ADCY2: variants seen among roughly 807,000 people sequenced by gnomAD.
ADCY2 encodes the protein adenylate cyclase 2.
ADCY2 carries 31 observed loss-of-function variants against 125.2 expected under a neutral mutation model. The ratio of observed to expected loss-of-function variants is 0.25; its 90% CI spans 0.19 to 0.33. ADCY2 has a LOEUF of 0.33. Among genes scored for constraint, ADCY2 ranks in the 10% least tolerant of loss-of-function variants. ADCY2 has a pLI of 1.00. For synonymous variants in ADCY2, 512 were observed against 548.4 expected (o/e 0.93, Z 0.93); for missense variants, 904 against 1,418.2 (o/e 0.64, Z 5.82).
At chr5:7,563,588 T>C (rs1735795754) in intron 3 of ADCY2, among the ~76,000 whole-genome samples, 1 of 152,166 alleles carries the variant, frequency 6.6e-6, no homozygotes, top group Admixed American at 6.6e-5. Context: ...TGGAACTTCA[T>C]ATATAGAGCT....
Position 7,811,937 on chromosome 5 carries a change from C to T in ADCY2, c.2884-4929C>T, listed in dbSNP as rs941696330. 2.0e-5 allele frequency among the ~76,000 whole-genome samples: 3 copies of T among 152,358 alleles called. 1 individual carries two copies. Among genetic ancestry groups the T allele is most frequent in the South Asian group, 4.1e-4 (2 of 4,826 alleles). On this transcript the variant is annotated intron_variant, in intron 22 of 24. Transcript: ENST00000338316. ...TGTCATCCAACAGACATTTTCTCTA[C>T]TGACTGAGCCAAGTTCCAGGTACAT...
intron 2 of ADCY2, among the ~76,000 whole-genome samples, chr5:7,513,896 A>G (rs1416968745): frequency 1.3e-5 from 2 of 152,170 alleles, no homozygotes; most frequent in African/African-American, 4.8e-5. Context: ...AAAATACATT[A>G]TGTTCACTGA....
intron 2 of ADCY2, among the ~76,000 whole-genome samples, chr5:7,496,399 C>T (rs940916445): frequency 1.3e-5 from 2 of 152,040 alleles, no homozygotes; most frequent in African/African-American, 4.8e-5. Flanking sequence ...CTGTACTTAA[C>T]CAAGCTGGTT....
intron 3 of ADCY2, among the ~76,000 whole-genome samples, chr5:7,540,976 A>G (rs1734976439): frequency 6.6e-6 from 1 of 152,194 alleles, no homozygotes; most frequent in Admixed American, 6.5e-5. Context: ...CTCTCAGCTG[A>G]GAACGTTCTC....
intron 2 of ADCY2, among the ~76,000 whole-genome samples, chr5:7,456,598 T>C (rs1741677380): frequency 6.6e-6 from 1 of 152,166 alleles, no homozygotes; most frequent in Non-Finnish European, 1.5e-5. Context: ...ATATTGATAG[T>C]ATATGGAAAT....
At chr5:7,534,950 A>T (rs533159869) in intron 3 of ADCY2, among the ~76,000 whole-genome samples, 1 of 152,062 alleles carries the variant, frequency 6.6e-6, no homozygotes, top group South Asian at 2.1e-4. Flanking sequence ...GCTTATTTCT[A>T]TGTGTTTCCC....
chr5:7,481,547 G>A (rs542133854), intron 2 of ADCY2, among the ~76,000 whole-genome samples: 3 of 152,146 alleles, frequency 2.0e-5, no homozygotes, highest in Admixed American at 6.5e-5. Context: ...GATTACAGGC[G>A]TGAGCCACCA....
At chr5:7,404,112 C>G (rs17207690) in intron 1 of ADCY2, among the ~76,000 whole-genome samples, 6,227 of 152,210 alleles carry the variant, frequency 0.041, 164 homozygotes, top group South Asian at 0.1. Context: ...AGTTGTTTTT[C>G]TAGGAATTTT....
intron 24 of ADCY2, 156 bp from the exon 25 acceptor site, chr5:7,826,563 T>G (rs908699737): frequency 1.0e-6 from 1 of 955,042 alleles, no homozygotes. Context: ...CAACCTTTTT[T>G]TCTTGTGGAT....
At chr5:7,697,234 G>A (rs1316516721) in intron 6 of ADCY2, among the ~76,000 whole-genome samples, 2 of 152,028 alleles carry the variant, frequency 1.3e-5, no homozygotes, top group Non-Finnish European at 2.9e-5. Context: ...TGTGAATTTG[G>A]AAGGACACAA....
chr5:7,791,658 T>A (rs571996441), intron 20 of ADCY2, among the ~76,000 whole-genome samples: 2 of 152,262 alleles, frequency 1.3e-5, no homozygotes, highest in South Asian at 4.1e-4. Context: ...TTACAATGTC[T>A]ATTAAAGGGC....
At chr5:7,418,340 C>T (rs1004097762) in intron 2 of ADCY2, among the ~76,000 whole-genome samples, 12 of 152,186 alleles carry the variant, frequency 7.9e-5, no homozygotes, top group Admixed American at 2.0e-4. Context: ...GCCAGCTCAA[C>T]CTGCCGCCTG....
chr5:7,773,008 T>C lies in ADCY2; in HGVS notation c.2291T>C (p.Leu764Ser). The stretch of plus-strand genomic sequence containing the variant: ...CGGGTAAACTATGAGCTGAAGATGT[T>C]GATCATGATGGTGGCCTTGGTGGGC... Reference protein sequence around the residue: ...FLRVNYELKMLIMMVALVGYN... With the variant: ...FLRVNYELKMSIMMVALVGYN... The change falls in exon 18 of 25, where the codon TTG becomes TCG. Residue 764 changes from leucine to serine, a missense_variant. Coordinates refer to ENST00000338316, the MANE Select transcript of ADCY2 (RefSeq NM_020546.3). 2 of 1,614,224 alleles carry C rather than the reference T, an allele frequency of 1.2e-6. No individual in the cohort carries two copies. Among genetic ancestry groups the C allele is most frequent in the Non-Finnish European group, 1.7e-6 (2 of 1,180,030 alleles).
In ADCY2 at chr5:7,690,756, G is replaced by C. The variant is rs766183533; in HGVS notation, c.786G>C (p.Gln262His). ...TGGAGATGAAAGCGGAGATCATCCA[G>C]AGGCTGCAGGGCCCCAAGGCGGGCC... The part of the protein sequence containing the change: ...IAMEMKAEII[Q>H]RLQGPKAGQM... The change falls in exon 5 of 25, where the codon CAG becomes CAC. Residue 262 changes from glutamine to histidine, a missense_variant. Transcript: ENST00000338316. 8.7e-6 allele frequency: 14 copies of C among 1,610,854 alleles called. No homozygotes were observed. In the African/African-American group the frequency reaches 1.7e-4, roughly 20 times the overall value.
intron 7 of ADCY2, among the ~76,000 whole-genome samples, chr5:7,699,081 ATTTTTTT>A (rs561359357): frequency 4.5e-4 from 17 of 37,964 alleles, no homozygotes; most frequent in African/African-American, 8.1e-4. Context: ...AACAGTAAGC[ATTTTTTT>A]TTTTTTTTTT....
At chr5:7,818,461 A>G (rs1438160328) in intron 23 of ADCY2, among the ~76,000 whole-genome samples, 2 of 151,370 alleles carry the variant, frequency 1.3e-5, no homozygotes, top group Non-Finnish European at 2.9e-5. Flanking sequence ...GGTTCACGTG[A>G]TTCTCCTGCC....
At position 7,396,296 on chromosome 5, in the gene ADCY2, G is replaced by T. The variant is rs1195597072; in HGVS notation, c.-1G>T. The T allele has an allele frequency of 3.7e-6, 5 of 1,345,724 alleles. No individual in the cohort carries two copies. The African/African-American group carries it at 7.8e-5, about 21-fold the overall frequency. 83.4% of individuals were successfully genotyped at this position (1,345,724 alleles called of 1,614,324 possible). A position where few individuals can be genotyped will look rare whatever the true frequency, so the allele number is the denominator to read the frequency against. Reference sequence around the variant, plus strand: ...CGGCGGGCGCCCTGTGAGCGGCCCCGATGTGGCAGGAGGCGATGCGGCGCC... The same window carrying T: ...CGGCGGGCGCCCTGTGAGCGGCCCCTATGTGGCAGGAGGCGATGCGGCGCC... On this transcript the variant is annotated 5_prime_UTR_variant, in exon 1 of 25. Transcript: ENST00000338316. The surrounding 1 kb of genome is among the most constrained non-coding windows in gnomAD (Gnocchi z 5.7).
At chr5:7,511,305 G>T (rs370118590) in intron 2 of ADCY2, among the ~76,000 whole-genome samples, 1 of 152,220 alleles carries the variant, frequency 6.6e-6, no homozygotes, top group Non-Finnish European at 1.5e-5. Flanking sequence ...GCCAGGGGCG[G>T]TGCCTCACGC....
intron 3 of ADCY2, among the ~76,000 whole-genome samples, chr5:7,538,311 A>G (rs951157471): frequency 6.6e-6 from 1 of 152,170 alleles, no homozygotes; most frequent in Admixed American, 6.5e-5. Context: ...TATGAATTTT[A>G]GTAAGTGATT....
Sources: allele counts gnomAD v4.1 joint callset (sites outside exome capture counted in the v4.1 genomes callset), GRCh38; gene constraint gnomAD v4.1.1; non-coding constraint Gnocchi (gnomAD v3.1); transcripts MANE v1.5; gene names NCBI Gene and HGNC (gene_info 2026-07-23, HGNC 2026-07-21).